Variants in CD96 observed in about 807,000 individuals in gnomAD.
CD96 encodes CD96 molecule.
Under a neutral mutation model 71.3 loss-of-function variants are expected in CD96, and 70 were observed. That is an observed-to-expected ratio of 0.98 (90% CI 0.81 to 1.20). The LOEUF (loss-of-function observed/expected upper bound fraction) is 1.20, where lower values mean the gene tolerates loss of function less well. Among genes scored for constraint, CD96 ranks in the 50% most tolerant of loss-of-function variants. The pLI, the probability that CD96 is intolerant of heterozygous loss-of-function variation, is 0.00. For synonymous variants in CD96, 248 were observed against 233.0 expected (o/e 1.06, Z -0.59); for missense variants, 742 against 677.5 (o/e 1.10, Z -1.06).
At chr3:111,589,766 T>G (rs1342721013) in intron 5 of CD96, among the ~76,000 whole-genome samples, 1 of 152,160 alleles carries the variant, frequency 6.6e-6, no homozygotes, top group African/African-American at 2.4e-5. Context: ...GGATGCATAT[T>G]TAGTGTGCCT....
chr3:111,542,388 T>C, intron 1 of CD96, 79 bp downstream of exon 1: 1 of 535,918 alleles, frequency 1.9e-6, no homozygotes, highest in Non-Finnish European at 3.4e-6. Context: ...TAAAATGCCT[T>C]GTGACTGCTG....
In CD96 at chr3:111,649,830, C is replaced by T; in HGVS notation, c.*24C>T. ...AGTCTCGTGAGACTTTGCCCCATGG[C>T]AGAACTCTGCTGGAATCCTATTGAG... On this transcript the variant is annotated 3_prime_UTR_variant, in exon 14 of 14. Coordinates refer to ENST00000352690, the MANE Select transcript of CD96 (RefSeq NM_005816.5). 1 of 1,365,752 alleles carries T rather than the reference C, an allele frequency of 7.3e-7. No individual in the cohort carries two copies. The highest frequency in any genetic ancestry group is 1.0e-6 in the Non-Finnish European group (1 of 953,398). 84.6% of individuals were successfully genotyped at this position (1,365,752 alleles called of 1,614,324 possible).
At chr3:111,619,848 A>G (rs1938434774) in intron 8 of CD96, among the ~76,000 whole-genome samples, 1 of 152,236 alleles carries the variant, frequency 6.6e-6, no homozygotes, top group Admixed American at 6.5e-5. Flanking sequence ...CAAAACTCCT[A>G]AGAAATAAGC....
intron 8 of CD96, among the ~76,000 whole-genome samples, chr3:111,620,459 G>A (rs571620938): frequency 1.3e-5 from 2 of 152,278 alleles, no homozygotes; most frequent in Admixed American, 6.5e-5. Context: ...GGAGAGAGAG[G>A]GGTAGATTTA....
chr3:111,650,990 A>G lies in CD96; in HGVS notation c.*1184A>G, dbSNP rs1200202890. On this transcript the variant is annotated 3_prime_UTR_variant, in exon 14 of 14. Transcript: ENST00000352690. ...AAGGAAACTTTAGTTCACTTGCAGT[A>G]TGCTTATCCTTGACTGCACATGAGA... 1 of 152,236 alleles carries G rather than the reference A, an allele frequency of 6.6e-6. No individual in the cohort carries two copies. The highest frequency in any genetic ancestry group is 1.5e-5 in the Non-Finnish European group (1 of 68,052). The allele number at this position is 152,236 out of a possible 1,614,324, so 9.4% of individuals were successfully genotyped here.
Position 111,638,148 on chromosome 3 carries a change from C to T in CD96, c.1457C>T (p.Thr486Ile). 4 of 1,601,658 alleles carry T rather than the reference C, an allele frequency of 2.5e-6. No individual in the cohort carries two copies. The highest frequency in any genetic ancestry group is 2.6e-6 in the Non-Finnish European group (3 of 1,168,630). The change falls in exon 12 of 14, where the codon ACT (threonine) becomes ATT (isoleucine). Residue 486 changes from threonine to isoleucine, a missense_variant. Physicochemically the swap from Thr to Ile is moderately conservative, Grantham distance 89 (BLOSUM62 -1). Transcript: ENST00000352690. ...ACAACTGCCAATGGATCTACGAAAA[C>T]TAATCACGTCCATATCACTGGTAAG... is the stretch of plus-strand genomic sequence containing the variant. ...VPTTANGSTK[T>I]NHVHITGIVV...
chr3:111,609,671 A>G (rs1937806611), intron 8 of CD96, among the ~76,000 whole-genome samples: 2 of 152,232 alleles, frequency 1.3e-5, no homozygotes. Flanking sequence ...AAGGAAAGAA[A>G]GCACAGTCAA....
intron 10 of CD96, among the ~76,000 whole-genome samples, chr3:111,626,080 G>A (rs1467788680): frequency 6.6e-6 from 1 of 152,048 alleles, no homozygotes; most frequent in Non-Finnish European, 1.5e-5. Context: ...GAGGCGGGTG[G>A]ATCACGAGGT....
At chr3:111,613,082 A>G (rs1350679538) in intron 8 of CD96, among the ~76,000 whole-genome samples, 1 of 152,144 alleles carries the variant, frequency 6.6e-6, no homozygotes, top group Non-Finnish European at 1.5e-5. Flanking sequence ...GCAGACTGTT[A>G]AAAGGATTTT....
chr3:111,661,947 C>T (rs1251939119), intron 14 of CD96, among the ~76,000 whole-genome samples: 2 of 152,234 alleles, frequency 1.3e-5, no homozygotes, highest in African/African-American at 4.8e-5. Flanking sequence ...TTCCCCTTTG[C>T]CTTACCCTAG....
intron 14 of CD96, among the ~76,000 whole-genome samples, chr3:111,662,928 T>C (rs1401290076): frequency 6.6e-6 from 1 of 152,200 alleles, no homozygotes; most frequent in African/African-American, 2.4e-5. Context: ...AATGCCCCAC[T>C]TCTCTGGCAC....
At chr3:111,547,214 T>G (rs1934452047) in intron 2 of CD96, among the ~76,000 whole-genome samples, 1 of 152,202 alleles carries the variant, frequency 6.6e-6, no homozygotes, top group Non-Finnish European at 1.5e-5. Flanking sequence ...AACATATAGT[T>G]CCTGCTAAAG....
chr3:111,580,320 G>A (rs1382540527), intron 4 of CD96, among the ~76,000 whole-genome samples: 1 of 152,208 alleles, frequency 6.6e-6, no homozygotes, highest in African/African-American at 2.4e-5. Flanking sequence ...GTACAAGGAA[G>A]TACCACTAAT....
At chr3:111,559,027 T>G (rs1935236089) in intron 2 of CD96, among the ~76,000 whole-genome samples, 1 of 152,212 alleles carries the variant, frequency 6.6e-6, no homozygotes, top group Admixed American at 6.5e-5. Context: ...GATGGTAGTT[T>G]GTATTTCTGT....
At chr3:111,555,741 T>C (rs1183329170) in intron 2 of CD96, among the ~76,000 whole-genome samples, 1 of 152,300 alleles carries the variant, frequency 6.6e-6, no homozygotes, top group Non-Finnish European at 1.5e-5. Flanking sequence ...TCTTTGTGTT[T>C]GTCCTATTCA....
intron 5 of CD96, chr3:111,594,486 A>T: frequency 2.8e-6 from 1 of 352,980 alleles, no homozygotes; most frequent in African/African-American, 2.1e-5. Flanking sequence ...AAGACAAAAC[A>T]TATCAGTTCC....
rs772086253 is a variant in CD96, at chr3:111,624,344, A to T, written c.1261A>T (p.Ser421Cys). The T allele has an allele frequency of 3.3e-5, 53 of 1,609,332 alleles. No individual in the cohort carries two copies. The highest frequency in any genetic ancestry group is 4.3e-5 in the Non-Finnish European group (50 of 1,175,744). ...ATTTTGTCTTTCAGCCAGCAATTCC[A>T]GTATGACTACCCGAGGCTTCAACTA... ...PNTTPQPSNSSMTTRGFNYPW... is the reference protein window; with the variant it reads ...PNTTPQPSNSCMTTRGFNYPW... Residue 421 changes from serine to cysteine, a missense_variant, in exon 10 of 14, where the codon AGT becomes TGT. Coordinates refer to ENST00000352690, the MANE Select transcript of CD96 (RefSeq NM_005816.5).
intron 8 of CD96, among the ~76,000 whole-genome samples, chr3:111,615,819 A>G (rs1238976412): frequency 6.6e-6 from 1 of 152,174 alleles, no homozygotes. Context: ...CCTACTTGAT[A>G]TATCCCCCAC....
chr3:111,591,053 G>A (rs1342812730), intron 5 of CD96, among the ~76,000 whole-genome samples: 1 of 152,132 alleles, frequency 6.6e-6, no homozygotes, highest in Non-Finnish European at 1.5e-5. Flanking sequence ...CAAAGGAAGA[G>A]AGGCTACAAT....
Sources: allele counts gnomAD v4.1 joint callset (sites outside exome capture counted in the v4.1 genomes callset), GRCh38; gene constraint gnomAD v4.1.1; transcripts MANE v1.5; gene names NCBI Gene and HGNC (gene_info 2026-07-23, HGNC 2026-07-21).